Variants in KALRN observed in about 807,000 individuals in gnomAD.
KALRN encodes kalirin RhoGEF kinase, also known as kalirin.
KALRN carries 70 observed loss-of-function variants against 353.7 expected under a neutral mutation model. The ratio of observed to expected loss-of-function variants is 0.20; its 90% CI spans 0.16 to 0.24. KALRN has a LOEUF of 0.24. Ranked by LOEUF, KALRN falls within the 10% of genes least tolerant of loss-of-function variation. KALRN has a pLI of 1.00. For missense variants in KALRN, 2,791 were observed against 3,756.7 expected (o/e 0.74, Z 6.72); for synonymous variants, 1,391 against 1,434.8 (o/e 0.97, Z 0.69).
chr3:124,294,520 CTTTTTT>C (rs397990993), intron 5 of KALRN, among the ~76,000 whole-genome samples: 1 of 73,894 alleles, frequency 1.4e-5, no homozygotes, highest in Admixed American at 2.0e-4. Context: ...AGATTCTCTT[CTTTTTT>C]TTTTTTTTTT....
intron 1 of KALRN, among the ~76,000 whole-genome samples, chr3:124,126,790 G>A (rs1300227449): frequency 6.6e-6 from 1 of 152,224 alleles, no homozygotes; most frequent in Non-Finnish European, 1.5e-5. Flanking sequence ...GTTCACAGAT[G>A]AGGGAATCAT....
At chr3:124,207,050 G>A (rs1053545105) in intron 1 of KALRN, among the ~76,000 whole-genome samples, 1 of 152,174 alleles carries the variant, frequency 6.6e-6, no homozygotes, top group African/African-American at 2.4e-5. Context: ...GAAATACATG[G>A]GATCCACTGG....
intron 1 of KALRN, among the ~76,000 whole-genome samples, chr3:124,207,211 A>T (rs988707109): frequency 7.9e-5 from 12 of 152,196 alleles, no homozygotes; most frequent in Non-Finnish European, 1.5e-4. Flanking sequence ...CCATCACTCC[A>T]TTCCTGGCAG....
chr3:124,088,876 A>G (rs530691195), intron 1 of KALRN, among the ~76,000 whole-genome samples: 1 of 152,274 alleles, frequency 6.6e-6, no homozygotes, highest in South Asian at 2.1e-4. Flanking sequence ...CTTTTTGAAA[A>G]TAAGAGCCAA....
intron 38 of KALRN, among the ~76,000 whole-genome samples, chr3:124,653,389 C>T (rs2083633031): frequency 6.6e-6 from 1 of 152,128 alleles, no homozygotes; most frequent in Non-Finnish European, 1.5e-5. Context: ...CAGTGGGATA[C>T]ATCAGTGAAT....
chr3:124,408,247 G>A (rs1395687192), intron 13 of KALRN, among the ~76,000 whole-genome samples: 2 of 152,114 alleles, frequency 1.3e-5, no homozygotes, highest in African/African-American at 4.8e-5. Context: ...TGAATTATGG[G>A]TTTTGTTTTT....
At chr3:124,595,800 T>A (rs2076212724) in intron 34 of KALRN, among the ~76,000 whole-genome samples, 2 of 152,208 alleles carry the variant, frequency 1.3e-5, no homozygotes, top group Admixed American at 1.3e-4. Context: ...TCTGTTTACA[T>A]TTTCTGAATG....
chr3:124,081,493 G>A (rs1424792966), intron 1 of KALRN, among the ~76,000 whole-genome samples: 8 of 152,168 alleles, frequency 5.3e-5, no homozygotes, highest in Admixed American at 6.5e-5. Context: ...TAAAGGGGCC[G>A]GGCACAGTGG....
intron 33 of KALRN, among the ~76,000 whole-genome samples, chr3:124,510,870 A>G (rs953531564): frequency 3.9e-5 from 6 of 152,214 alleles, no homozygotes; most frequent in Non-Finnish European, 1.5e-5. Flanking sequence ...ATCTATGATC[A>G]AAATTCGAAA....
intron 33 of KALRN, among the ~76,000 whole-genome samples, chr3:124,524,325 T>G (rs565247652): frequency 2.0e-5 from 3 of 152,306 alleles, no homozygotes; most frequent in Admixed American, 1.3e-4. Flanking sequence ...TAGTCTGCGA[T>G]TCTGAGTACA....
intron 58 of KALRN, 40 bp downstream of exon 58, chr3:124,713,175 AT>A (rs1559883677): frequency 6.5e-7 from 1 of 1,541,982 alleles, no homozygotes; most frequent in Middle Eastern, 1.7e-4. Flanking sequence ...GCCTGCATCC[AT>A]TTAGGTTAGC....
At chr3:124,457,355 C>T (rs2059421532) in intron 23 of KALRN, among the ~76,000 whole-genome samples, 1 of 151,664 alleles carries the variant, frequency 6.6e-6, no homozygotes, top group African/African-American at 2.4e-5. Context: ...TAGGCATGAG[C>T]CACCACGCCC....
intron 38 of KALRN, among the ~76,000 whole-genome samples, chr3:124,653,507 A>G (rs1259564077): frequency 6.6e-6 from 1 of 152,194 alleles, no homozygotes; most frequent in East Asian, 1.9e-4. Flanking sequence ...TGGAAACAAG[A>G]AAAAGAAAAA....
chr3:124,226,357 A>G (rs1352127387), intron 1 of KALRN, among the ~76,000 whole-genome samples: 3 of 152,224 alleles, frequency 2.0e-5, no homozygotes, highest in Non-Finnish European at 4.4e-5. Flanking sequence ...AAAGTTCAAA[A>G]TAGTGCTTAT....
intron 33 of KALRN, among the ~76,000 whole-genome samples, chr3:124,526,991 C>G (rs1463135800): frequency 6.6e-6 from 1 of 152,180 alleles, no homozygotes; most frequent in Non-Finnish European, 1.5e-5. Context: ...ACAAGAATTC[C>G]TGCCCTCATG....
chr3:124,501,261 C>A (rs560767995), intron 33 of KALRN, among the ~76,000 whole-genome samples: 1 of 152,202 alleles, frequency 6.6e-6, no homozygotes, highest in South Asian at 2.1e-4. Context: ...ACATTTCAGG[C>A]TGGTGTGTGG....
chr3:124,460,278 G>A (rs147290178), intron 23 of KALRN, among the ~76,000 whole-genome samples: 4 of 152,168 alleles, frequency 2.6e-5, no homozygotes, highest in African/African-American at 9.7e-5. Context: ...ATATCTGGGA[G>A]GGGGATGAGG....
At chr3:124,280,304 T>C (rs1325607078) in intron 5 of KALRN, among the ~76,000 whole-genome samples, 1 of 152,162 alleles carries the variant, frequency 6.6e-6, no homozygotes, top group Non-Finnish European at 1.5e-5. Context: ...TAGAAAGTCC[T>C]CCTTCCAGCA....
chr3:124,077,336 G>A (rs2060308133), intron 1 of KALRN, among the ~76,000 whole-genome samples: 1 of 152,220 alleles, frequency 6.6e-6, no homozygotes, highest in South Asian at 2.1e-4. Context: ...TAGCAGCAAT[G>A]CTTAGGGAGA....
Sources: allele counts gnomAD v4.1 joint callset (sites outside exome capture counted in the v4.1 genomes callset), GRCh38; gene constraint gnomAD v4.1.1; transcripts MANE v1.5; gene names NCBI Gene and HGNC (gene_info 2026-07-23, HGNC 2026-07-21).